The following ULK4 variants were observed in gnomAD, a reference collection of about 807,000 sequenced individuals.
ULK4 encodes unc-51 like kinase 4, also known as inactive serine/threonine-protein kinase ULK4.
A neutral mutation model predicts 160.6 loss-of-function variants in ULK4; 133 were observed. The ratio of observed to expected loss-of-function variants is 0.83; its 90% CI spans 0.72 to 0.96. The LOEUF is 0.96. Ranked by LOEUF, ULK4 falls within the 40% of genes least tolerant of loss-of-function variation. The pLI is 0.00. For synonymous variants in ULK4, 534 were observed against 539.8 expected, an observed-to-expected ratio of 0.99 and a Z score of 0.15; for missense variants, 1,580 against 1,499.5, an observed-to-expected ratio of 1.05 and a Z score of -0.89.
intron 35 of ULK4, among the ~76,000 whole-genome samples, chr3:41,340,108 G>A (rs2080650103): frequency 6.6e-6 from 1 of 152,200 alleles, no homozygotes; most frequent in African/African-American, 2.4e-5. Flanking sequence ...TAAATTGCTG[G>A]AAGCATGTGT....
intron 30 of ULK4, among the ~76,000 whole-genome samples, chr3:41,629,826 A>G (rs1559444693): frequency 7.8e-6 from 1 of 128,870 alleles, no homozygotes; most frequent in Admixed American, 7.4e-5. Context: ...GCTGGTCTCT[A>G]TAAAAAAAAA....
chr3:41,701,077 A>G (rs2036657847), intron 27 of ULK4, among the ~76,000 whole-genome samples: 1 of 152,134 alleles, frequency 6.6e-6, no homozygotes, highest in Non-Finnish European at 1.5e-5. Flanking sequence ...ACAAAAAGAC[A>G]GTAAGAATTA....
At chr3:41,574,595 G>A (rs1299701913) in intron 31 of ULK4, among the ~76,000 whole-genome samples, 2 of 139,808 alleles carry the variant, frequency 1.4e-5, no homozygotes, top group African/African-American at 5.3e-5. Context: ...AGGCTGCAGT[G>A]CAGTGGCAAG....
rs1182760849 is a variant in ULK4, at chr3:41,755,970, C to T, written c.2194-1482G>A. Among the ~76,000 whole-genome samples, 3 of 152,188 alleles carry T rather than the reference C, an allele frequency of 2.0e-5. No homozygotes were observed. In the East Asian group the frequency reaches 5.8e-4, roughly 29 times the overall value. On this transcript the variant is annotated intron_variant, in intron 21 of 36. Coordinates refer to ENST00000301831, the MANE Select transcript of ULK4 (RefSeq NM_017886.4). ...GGGTCAGAAAACACAGATACACGCACACACACATGCACACAAAGTGAAAGA... is the reference window on the plus strand; with the variant it reads ...GGGTCAGAAAACACAGATACACGCATACACACATGCACACAAAGTGAAAGA...
intron 18 of ULK4, among the ~76,000 whole-genome samples, chr3:41,835,039 A>G (rs1386444117): frequency 6.6e-6 from 1 of 152,230 alleles, no homozygotes; most frequent in Non-Finnish European, 1.5e-5. Context: ...ACAATTCCAA[A>G]TGTGATTTGG....
chr3:41,937,031 TACAC>T (rs1025215931), intron 3 of ULK4: 1 of 303,822 alleles, frequency 3.3e-6, no homozygotes, highest in Non-Finnish European at 6.1e-6. Context: ...TAAATATTAA[TACAC>T]ACACATACTA....
At chr3:41,629,837 A>AT (rs2033675547) in intron 30 of ULK4, among the ~76,000 whole-genome samples, 1 of 151,722 alleles carries the variant, frequency 6.6e-6, no homozygotes, top group African/African-American at 2.4e-5. Context: ...TAAAAAAAAA[A>AT]AATATAAAAA....
intron 17 of ULK4, among the ~76,000 whole-genome samples, chr3:41,874,497 A>G (rs1697225693): frequency 6.6e-6 from 1 of 152,260 alleles, no homozygotes; most frequent in Non-Finnish European, 1.5e-5. Context: ...TTAAAGAACT[A>G]AATCATAAAA....
intron 17 of ULK4, among the ~76,000 whole-genome samples, chr3:41,838,403 T>C (rs2041821488): frequency 6.6e-6 from 1 of 152,110 alleles, no homozygotes; most frequent in Non-Finnish European, 1.5e-5. Context: ...TTTTCTACAC[T>C]TCAACTAGTA....
At chr3:41,703,019 A>G (rs2036735481) in intron 27 of ULK4, among the ~76,000 whole-genome samples, 1 of 151,730 alleles carries the variant, frequency 6.6e-6, no homozygotes, top group African/African-American at 2.4e-5. Flanking sequence ...ATGCCCAGCT[A>G]ATTTTTGTAT....
At chr3:41,457,360 C>A (rs960955385) in intron 33 of ULK4, among the ~76,000 whole-genome samples, 3 of 152,184 alleles carry the variant, frequency 2.0e-5, no homozygotes, top group Non-Finnish European at 4.4e-5. Flanking sequence ...TCTGCATAGT[C>A]ATACGTCATA....
chr3:41,295,181 G>A lies in ULK4; in HGVS notation c.3679-45607C>T, dbSNP rs1015503729. On this transcript the variant is annotated intron_variant, in intron 35 of 36. Transcript: ENST00000301831. ...CAACTGATCTTTGATGAAGAGCAAA[G>A]GCAAAACAATGGAGCAAACATAGTT... Among the ~76,000 whole-genome samples the A allele has an allele frequency of 1.5e-5, 2 of 136,678 alleles. 1 individual carries two copies. The highest frequency in any genetic ancestry group is 5.2e-5 in the African/African-American group (2 of 38,170). The allele number at this position is 136,678 out of a possible 152,430, so 89.7% of individuals were successfully genotyped here.
chr3:41,349,520 C>T (rs749320463), intron 35 of ULK4, among the ~76,000 whole-genome samples: 1 of 152,144 alleles, frequency 6.6e-6, no homozygotes, highest in Non-Finnish European at 1.5e-5. Context: ...GTTCCATGCA[C>T]CAATACTCAA....
At chr3:41,408,872 T>C (rs1248421709) in intron 34 of ULK4, among the ~76,000 whole-genome samples, 2 of 152,162 alleles carry the variant, frequency 1.3e-5, no homozygotes, top group Non-Finnish European at 1.5e-5. Context: ...TAGTATTCTC[T>C]ACAAATGGTG....
At chr3:41,250,975 T>A (rs542004964) in intron 35 of ULK4, 1 of 152,308 alleles carries the variant, frequency 6.6e-6, no homozygotes, top group South Asian at 2.1e-4. Flanking sequence ...CCACTTCATT[T>A]TTCTCAGAAC....
intron 34 of ULK4, among the ~76,000 whole-genome samples, chr3:41,438,770 T>G (rs554137996): frequency 3.2e-4 from 48 of 152,140 alleles, no homozygotes; most frequent in Non-Finnish European, 4.4e-4. Flanking sequence ...GAGGCTGCCA[T>G]GAGCTGTGAT....
At chr3:41,840,423 T>C (rs2041877203) in intron 17 of ULK4, among the ~76,000 whole-genome samples, 1 of 152,220 alleles carries the variant, frequency 6.6e-6, no homozygotes, top group Non-Finnish European at 1.5e-5. Context: ...TTGCCGAGGC[T>C]GGACTGTACT....
chr3:41,583,745 T>C (rs914917527), intron 31 of ULK4, among the ~76,000 whole-genome samples: 4 of 152,242 alleles, frequency 2.6e-5, no homozygotes, highest in Admixed American at 6.5e-5. Flanking sequence ...TTTGTTATAA[T>C]TGACCAGAAC....
intron 2 of ULK4, among the ~76,000 whole-genome samples, chr3:41,953,591 G>T (rs1323669415): frequency 6.6e-6 from 1 of 151,700 alleles, no homozygotes; most frequent in Non-Finnish European, 1.5e-5. Flanking sequence ...TATTTTTTAA[G>T]CTAGGTATGG....
Sources: gnomAD v4.1 joint callset for allele counts (sites outside exome capture counted in the v4.1 genomes callset) on GRCh38, gnomAD v4.1.1 for gene constraint, MANE v1.5 for transcripts, NCBI Gene and HGNC (gene_info 2026-07-23, HGNC 2026-07-21) for gene names.